Variants in ATG16L1 observed in about 807,000 individuals in gnomAD.
The protein encoded by ATG16L1 is autophagy related 16 like 1, also known as autophagy-related protein 16-1.
A neutral mutation model predicts 88.5 loss-of-function variants in ATG16L1; 37 were observed. That is an observed-to-expected ratio of 0.42 (90% CI 0.32 to 0.55). The LOEUF (loss-of-function observed/expected upper bound fraction) is 0.55. Among genes scored for constraint, ATG16L1 ranks in the 20% least tolerant of loss-of-function variants. The pLI is 0.13. For missense variants in ATG16L1, 554 were observed against 752.8 expected, an observed-to-expected ratio of 0.74 and a Z score of 3.09; for synonymous variants, 301 against 281.0, an observed-to-expected ratio of 1.07 and a Z score of -0.71.
chr2:233,277,296 A>G (rs1698438610), intron 9 of ATG16L1: 1 of 303,304 alleles, frequency 3.3e-6, no homozygotes, highest in Admixed American at 4.5e-5. Context: ...AACAGATGAA[A>G]TTAATGCAAG....
intron 9 of ATG16L1, among the ~76,000 whole-genome samples, chr2:233,276,178 C>G (rs1011393899): frequency 1.3e-5 from 2 of 152,136 alleles, no homozygotes; most frequent in Admixed American, 6.5e-5. Context: ...CGTGATACTT[C>G]AAGCATTTTA....
At chr2:233,290,054 A>AC in intron 13 of ATG16L1, 80 bp downstream of exon 13, 1 of 1,586,620 alleles carries the variant, frequency 6.3e-7, no homozygotes, top group Non-Finnish European at 8.6e-7. Context: ...CAGAGCCTGC[A>AC]TTTATGTAAT....
intron 9 of ATG16L1, chr2:233,275,669 G>A (rs953061738): frequency 1.6e-5 from 8 of 500,792 alleles, no homozygotes; most frequent in African/African-American, 3.9e-5. Flanking sequence ...GCGCATCAAC[G>A]CCCCTTCCCA....
chr2:233,282,543 AGTAGCTGGTAT>A (rs1698787766), intron 11 of ATG16L1, 128 bp from the exon 12 acceptor site: 1 of 729,138 alleles, frequency 1.4e-6, no homozygotes, highest in South Asian at 1.6e-5. Flanking sequence ...CACTCACGAC[AGTAGCTGGTAT>A]TCAGGCTGGT....
intron 13 of ATG16L1, 29 bp from the exon 14 acceptor site, chr2:233,290,215 CTGCT>C (rs776680848): frequency 5.3e-5 from 85 of 1,606,938 alleles, no homozygotes; most frequent in Middle Eastern, 1.6e-4. Flanking sequence ...GTTGGTGCCT[CTGCT>C]TGATTAATGA....
At position 233,277,316 on chromosome 2, in the gene ATG16L1, T is replaced by G. The variant is rs534974394; in HGVS notation, c.955-252T>G. The G allele has an allele frequency of 1.4e-4, 52 of 359,404 alleles. No homozygotes were observed. The East Asian group carries it at 2.7e-3, about 19-fold the overall frequency. 22.3% of individuals were successfully genotyped at this position (359,404 alleles called of 1,614,324 possible). ...ATGAAATTAATGCAAGGACCAACTTTAAGCAGTCTACACAGATTTTGAGTA... is the reference window on the plus strand; with the variant it reads ...ATGAAATTAATGCAAGGACCAACTTGAAGCAGTCTACACAGATTTTGAGTA... On this transcript the variant is annotated intron_variant, in intron 9 of 17. Coordinates refer to ENST00000392017, the MANE Select transcript of ATG16L1 (RefSeq NM_030803.7).
At chr2:233,270,866 G>A (rs1486753538) in intron 6 of ATG16L1, among the ~76,000 whole-genome samples, 1 of 152,166 alleles carries the variant, frequency 6.6e-6, no homozygotes, top group Non-Finnish European at 1.5e-5. Flanking sequence ...ATGTGTTTTG[G>A]AATATAGTTT....
chr2:233,275,176 C>T (rs899804533), intron 9 of ATG16L1, among the ~76,000 whole-genome samples: 17 of 152,252 alleles, frequency 1.1e-4, no homozygotes, highest in African/African-American at 3.9e-4. Flanking sequence ...TGAATTATAT[C>T]CCTATCTGTA....
At chr2:233,292,664 G>C (rs1237086401) in intron 16 of ATG16L1, among the ~76,000 whole-genome samples, 2 of 152,204 alleles carry the variant, frequency 1.3e-5, no homozygotes, top group African/African-American at 4.8e-5. Flanking sequence ...CAGTTGGCTG[G>C]TTGCTTTGTT....
Position 233,277,555 on chromosome 2 carries a change from G to T in ATG16L1, c.955-13G>T. 1 of 1,612,658 alleles carries T rather than the reference G, an allele frequency of 6.2e-7. No homozygotes were observed. Among genetic ancestry groups the T allele is most frequent in the Non-Finnish European group, 8.5e-7 (1 of 1,178,750 alleles). On this transcript the variant is annotated splice_polypyrimidine_tract_variant and intron_variant, in intron 9 of 17. Coordinates refer to ENST00000392017, the MANE Select transcript of ATG16L1 (RefSeq NM_030803.7). ...AGAATGACTGGGTTTGACACAGGGT[G>T]CTTGTCTTGCAGGATGCACATGATG...
At position 233,294,536 on chromosome 2, in the gene ATG16L1, C is replaced by T; in HGVS notation, c.*186C>T. 1 of 486,410 alleles carries T rather than the reference C, an allele frequency of 2.1e-6. No homozygotes were observed. The highest frequency in any genetic ancestry group is 3.7e-6 in the Non-Finnish European group (1 of 272,946). 30.1% of individuals were successfully genotyped at this position (486,410 alleles called of 1,614,324 possible). On this transcript the variant is annotated 3_prime_UTR_variant, in exon 18 of 18. Coordinates refer to ENST00000392017, the MANE Select transcript of ATG16L1 (RefSeq NM_030803.7). ...AAGATTTGACTGAGGTCTCTCTTGG[C>T]CTGGAAGAATAACACTGAAAAAACC...
At chr2:233,292,538 C>G in intron 16 of ATG16L1, 104 bp downstream of exon 16, 1 of 1,407,456 alleles carries the variant, frequency 7.1e-7, no homozygotes, top group South Asian at 1.2e-5. Context: ...AGTGCCCAAC[C>G]TATGTTTCCA....
intron 12 of ATG16L1, among the ~76,000 whole-genome samples, chr2:233,289,407 G>GTGTGTGTGTGTGTGTGTGTGTGTGTGTA (rs1207953535): frequency 5.1e-4 from 76 of 149,876 alleles, no homozygotes; most frequent in Non-Finnish European, 4.3e-4. Flanking sequence ...GTGTGTGTGT[G>GTGTGTGTGTGTGTGTGTGTGTGTGTGTA]TGACAGGATC....
chr2:233,257,531 T>G (rs576807250), intron 2 of ATG16L1, among the ~76,000 whole-genome samples: 1 of 152,362 alleles, frequency 6.6e-6, no homozygotes, highest in Admixed American at 6.5e-5. Flanking sequence ...AAGTGTAACC[T>G]ATGATACTCA....
chr2:233,263,448 C>T (rs1279678425), intron 3 of ATG16L1, among the ~76,000 whole-genome samples: 2 of 152,098 alleles, frequency 1.3e-5, no homozygotes, highest in Admixed American at 6.5e-5. Context: ...CCTGTGAGAG[C>T]GCTGCCAGTT....
chr2:233,264,937 C>T lies in ATG16L1; in HGVS notation c.435C>T (p.Cys145=). 1.2e-6 allele frequency: 2 copies of T among 1,614,054 alleles called. No homozygotes were observed. The highest frequency in any genetic ancestry group is 1.7e-6 in the Non-Finnish European group (2 of 1,179,940). The change falls in exon 5 of 18, where the codon TGC becomes TGT. Residue 145 remains cysteine, a synonymous_variant. Coordinates refer to ENST00000392017, the MANE Select transcript of ATG16L1 (RefSeq NM_030803.7). ...LQTISDLETE[C]LDLRTKLCDL... is the part of the protein sequence containing the mutation. The stretch of plus-strand genomic sequence containing the variant: ...CTATCTCTGACCTGGAGACGGAGTG[C>T]CTAGACCTGCGCACTAAGCTTTGTG...
intron 2 of ATG16L1, 110 bp from the exon 3 acceptor site, chr2:233,263,020 A>G: frequency 2.2e-6 from 2 of 927,470 alleles, no homozygotes; most frequent in Non-Finnish European, 3.4e-6. Flanking sequence ...GGCTTTGTGA[A>G]CATGTTTCTG....
chr2:233,255,469 A>G (rs559037511), intron 1 of ATG16L1, among the ~76,000 whole-genome samples: 8 of 152,292 alleles, frequency 5.3e-5, no homozygotes, highest in African/African-American at 1.9e-4. Context: ...ACTTTTTACC[A>G]ATACAGATCT....
At chr2:233,273,076 G>A in intron 7 of ATG16L1, 24 bp downstream of exon 7, 7 of 1,593,584 alleles carry the variant, frequency 4.4e-6, no homozygotes, top group Non-Finnish European at 6.0e-6. Flanking sequence ...TTTGGGCCAG[G>A]GAAAAGACAG....
Sources: allele counts gnomAD v4.1 joint callset (sites outside exome capture counted in the v4.1 genomes callset), GRCh38; gene constraint gnomAD v4.1.1; transcripts MANE v1.5; gene names NCBI Gene and HGNC (gene_info 2026-07-23, HGNC 2026-07-21).